FNTB: variants seen among roughly 807,000 people sequenced by gnomAD.
The protein encoded by FNTB is farnesyltransferase, CAAX box, subunit beta.
Under a neutral mutation model 59.4 loss-of-function variants are expected in FNTB, and 27 were observed. The observed-to-expected ratio is 0.45, with a 90% CI of 0.34 to 0.63. FNTB has a LOEUF of 0.63. Among genes scored for constraint, FNTB ranks in the 20% least tolerant of loss-of-function variants. FNTB has a pLI of 0.02. For synonymous variants in FNTB, 230 were observed against 220.7 expected (o/e 1.04, Z -0.37); for missense variants, 449 against 559.6 (o/e 0.80, Z 1.99).
In FNTB at chr14:65,054,310, C is replaced by T. The variant is rs926805850; in HGVS notation, c.1068-265C>T. Reference sequence around the variant, plus strand: ...AATTTTTTGTAGAGACGGGGTCTCCCATGTTGCCCAAGTTGGTTTTGAACT... The same window carrying T: ...AATTTTTTGTAGAGACGGGGTCTCCTATGTTGCCCAAGTTGGTTTTGAACT... On this transcript the variant is annotated intron_variant, in intron 10 of 11. Transcript: ENST00000246166. This position sits in a 1 kb window ranked among gnomAD's most constrained non-coding sequence, Gnocchi z 4.4. 6.6e-6 allele frequency among the ~76,000 whole-genome samples: 1 copy of T among 151,916 alleles called. No individual in the cohort carries two copies. The highest frequency in any genetic ancestry group is 2.4e-5 in the African/African-American group (1 of 41,368).
chr14:65,055,328 G>A (rs1595101242), intron 11 of FNTB, among the ~76,000 whole-genome samples: 1 of 152,094 alleles, frequency 6.6e-6, no homozygotes, highest in East Asian at 1.9e-4. Context: ...AATGGAGACT[G>A]TCCCCAGTGA....
At position 64,991,699 on chromosome 14, in the gene FNTB, T is replaced by A. The variant is rs1377913514; in HGVS notation, c.144+4602T>A. 6.6e-6 allele frequency among the ~76,000 whole-genome samples: 1 copy of A among 152,154 alleles called. No homozygotes were observed. The highest frequency in any genetic ancestry group is 1.5e-5 in the Non-Finnish European group (1 of 68,022). On this transcript the variant is annotated intron_variant, in intron 1 of 11. Coordinates refer to ENST00000246166, the MANE Select transcript of FNTB (RefSeq NM_002028.4). The surrounding 1 kb of genome is among the most constrained non-coding windows in gnomAD (Gnocchi z 4.4). ...AGGATTTTGGGGAGTTGAAAAGCCATCTGTGTGGGCTGAGGTGGTCAGGAT... is the reference window on the plus strand; with the variant it reads ...AGGATTTTGGGGAGTTGAAAAGCCAACTGTGTGGGCTGAGGTGGTCAGGAT...
intron 8 of FNTB, 101 bp downstream of exon 8, chr14:65,041,020 CT>C: frequency 6.5e-7 from 1 of 1,528,926 alleles, no homozygotes; most frequent in Non-Finnish European, 8.9e-7. Context: ...ATGGGAAGGG[CT>C]AAGAGAGTTA....
At chr14:64,989,206 C>A (rs897475457) in intron 1 of FNTB, among the ~76,000 whole-genome samples, 23 of 147,130 alleles carry the variant, frequency 1.6e-4, no homozygotes, top group Non-Finnish European at 3.3e-4. Flanking sequence ...TTTGGGAGTT[C>A]GAGGCGGGAA....
Position 65,022,000 on chromosome 14 carries a change from A to G in FNTB, c.375-5453A>G, listed in dbSNP as rs543935340. The G allele has an allele frequency of 5.9e-5, 27 of 455,946 alleles. No homozygotes were observed. The East Asian group carries it at 1.7e-3, about 28-fold the overall frequency. The allele number at this position is 455,946 out of a possible 1,614,324, so 28.2% of individuals were successfully genotyped here. A position where few individuals can be genotyped will look rare whatever the true frequency, so the allele number is the denominator to read the frequency against. ...CTTCCAGAACAGCAGCCATCCAGAG[A>G]CTTGCCGGTGCTTGATGAAGAGTCA... On this transcript the variant is annotated intron_variant, in intron 4 of 11. Transcript: ENST00000246166.
rs1453148131 is a variant in FNTB at position 65,012,475 on chromosome 14, G to A, written c.282+86G>A. 5.2e-6 allele frequency: 8 copies of A among 1,551,586 alleles called. No homozygotes were observed. The South Asian group carries it at 8.0e-5, about 16-fold the overall frequency. ...CTATTTAAACGTAAAAGACTGTTGG[G>A]GCTGACCTGTTGCAGAGTCACTCTT... On this transcript the variant is annotated intron_variant, in intron 3 of 11. Coordinates refer to ENST00000246166, the MANE Select transcript of FNTB (RefSeq NM_002028.4). The surrounding 1 kb of genome is among the most constrained non-coding windows in gnomAD (Gnocchi z 5.0).
chr14:64,987,435 C>A (rs1025004135), intron 1 of FNTB: 36 of 372,142 alleles, frequency 9.7e-5, no homozygotes, highest in Non-Finnish European at 5.7e-5. Flanking sequence ...TCTGCCAGTA[C>A]TTCGGGAGGT....
rs1447123338 is a variant in FNTB, at chr14:65,031,379, A to G, written c.606-1231A>G. ...GTTGCCCAAGCTGGAATGCAGTGGCATGATCTTGGCTCACTGCAACCCCCG... is the reference window on the plus strand; with the variant it reads ...GTTGCCCAAGCTGGAATGCAGTGGCGTGATCTTGGCTCACTGCAACCCCCG... On this transcript the variant is annotated intron_variant, in intron 6 of 11. Transcript: ENST00000246166. The surrounding 1 kb of genome is among the most constrained non-coding windows in gnomAD (Gnocchi z 4.6). 2.0e-5 allele frequency among the ~76,000 whole-genome samples: 3 copies of G among 151,004 alleles called. No homozygotes were observed. Among genetic ancestry groups the G allele is most frequent in the Non-Finnish European group, 4.4e-5 (3 of 67,654 alleles).
rs891023979 is a variant in FNTB, at chr14:64,986,895, A to G, written c.-59A>G. On this transcript the variant is annotated 5_prime_UTR_variant, in exon 1 of 12. Coordinates refer to ENST00000246166, the MANE Select transcript of FNTB (RefSeq NM_002028.4). ...TAGCGCTTTAGCCCGCTCGAGTTTC[A>G]ATGCGCGTTGTTGCTTAACGAAGCA... 1.2e-5 allele frequency: 20 copies of G among 1,600,584 alleles called. No homozygotes were observed. The highest frequency in any genetic ancestry group is 2.2e-5 in the East Asian group (1 of 44,758).
At chr14:65,006,277 T>G (rs771157653) in intron 2 of FNTB, 3 of 1,613,682 alleles carry the variant, frequency 1.9e-6, no homozygotes, top group Non-Finnish European at 8.5e-7. Flanking sequence ...TAACTTCATC[T>G]TTGTTCCCTG....
At chr14:65,035,210 C>T (rs1761405646) in intron 7 of FNTB, among the ~76,000 whole-genome samples, 1 of 152,154 alleles carries the variant, frequency 6.6e-6, no homozygotes, top group South Asian at 2.1e-4. Flanking sequence ...TGACCCCTGG[C>T]CTGCTGCTGC....
At chr14:65,052,247 C>T (rs1012806564) in intron 9 of FNTB, among the ~76,000 whole-genome samples, 1 of 151,958 alleles carries the variant, frequency 6.6e-6, no homozygotes, top group African/African-American at 2.4e-5. Flanking sequence ...AAAATTTATG[C>T]CTATAGTGGT....
At chr14:65,046,427 G>A (rs141493890) in intron 9 of FNTB, among the ~76,000 whole-genome samples, 69 of 152,312 alleles carry the variant, frequency 4.5e-4, no homozygotes, top group Middle Eastern at 3.4e-3. Flanking sequence ...AGGGAAATGT[G>A]GAATGAGCTA....
intron 2 of FNTB, chr14:65,006,101 CT>C (rs1253791044): frequency 6.3e-7 from 1 of 1,579,120 alleles, no homozygotes; most frequent in African/African-American, 1.4e-5. Flanking sequence ...TCTCTAGGTA[CT>C]TCTGCTTACT....
chr14:64,995,851 C>G (rs1159664626), intron 1 of FNTB, among the ~76,000 whole-genome samples: 3 of 151,598 alleles, frequency 2.0e-5, no homozygotes, highest in African/African-American at 7.3e-5. Flanking sequence ...TAGCCTGGGG[C>G]TGGGTGCAAT....
intron 1 of FNTB, among the ~76,000 whole-genome samples, chr14:64,989,175 T>C (rs549637562): frequency 4.0e-4 from 61 of 151,072 alleles, no homozygotes; most frequent in African/African-American, 1.3e-3. Flanking sequence ...AATTGATGGC[T>C]GACACCTGTA....
chr14:65,035,189 G>C (rs778710274), intron 7 of FNTB, among the ~76,000 whole-genome samples: 3 of 152,144 alleles, frequency 2.0e-5, no homozygotes, highest in Non-Finnish European at 4.4e-5. Flanking sequence ...TTGGCTGCCC[G>C]CCCTGACCCC....
Position 65,040,921 on chromosome 14 carries a change from T to A in FNTB, c.822+2T>A, listed in dbSNP as rs1289991116. ...TCCTTGAACTTGAAGAGCTTATTAG[T>A]AAGTATCTTTTGAGCCATCCCCCTC... On this transcript the variant is annotated splice_donor_variant, in intron 8 of 11. Transcript: ENST00000246166. LOFTEE classifies it high-confidence loss of function. 1 of 1,613,262 alleles carries A rather than the reference T, an allele frequency of 6.2e-7. No homozygotes were observed. The highest frequency in any genetic ancestry group is 1.7e-5 in the Admixed American group (1 of 59,978).
intron 4 of FNTB, among the ~76,000 whole-genome samples, chr14:65,025,978 T>A (rs2061972293): frequency 6.6e-6 from 1 of 152,256 alleles, no homozygotes; most frequent in Non-Finnish European, 1.5e-5. Context: ...TTGCTTTTGC[T>A]TTCTCTGCCC....
Sources: gnomAD v4.1 joint callset for allele counts (sites outside exome capture counted in the v4.1 genomes callset) on GRCh38, gnomAD v4.1.1 for gene constraint, Gnocchi (gnomAD v3.1) non-coding constraint, MANE v1.5 for transcripts, NCBI Gene and HGNC (gene_info 2026-07-23, HGNC 2026-07-21) for gene names.